PLXNA4: variants seen among roughly 807,000 people sequenced by gnomAD.
PLXNA4 encodes the protein plexin-A4.
Under a neutral mutation model 191.8 loss-of-function variants are expected in PLXNA4, and 44 were observed. The observed-to-expected ratio is 0.23, with a 90% CI of 0.18 to 0.29. The LOEUF (loss-of-function observed/expected upper bound fraction) is 0.29. Ranked by LOEUF, PLXNA4 falls within the 10% of genes least tolerant of loss-of-function variation. The probability of loss-of-function intolerance (pLI) is 1.00; values close to 1 mark genes in which losing one functional copy is unlikely to be tolerated. For synonymous variants in PLXNA4, 1,082 were observed against 1,009.5 expected, an observed-to-expected ratio of 1.07 and a Z score of -1.36; for missense variants, 1,800 against 2,488.8, an observed-to-expected ratio of 0.72 and a Z score of 5.89.
chr7:132,520,678 A>C (rs1198142364), intron 1 of PLXNA4, among the ~76,000 whole-genome samples: 1 of 152,106 alleles, frequency 6.6e-6, no homozygotes, highest in Non-Finnish European at 1.5e-5. Context: ...GTTTTGGAAA[A>C]ACCAAGCCGA....
chr7:132,198,398 G>C, intron 13 of PLXNA4, 87 bp downstream of exon 13: 1 of 1,508,146 alleles, frequency 6.6e-7, no homozygotes, highest in Non-Finnish European at 8.9e-7. Flanking sequence ...CAAGCTCTGA[G>C]AGCACCTAGT....
intron 3 of PLXNA4, among the ~76,000 whole-genome samples, chr7:132,405,512 G>C (rs1794184021): frequency 6.6e-6 from 1 of 152,106 alleles, no homozygotes; most frequent in Non-Finnish European, 1.5e-5. Flanking sequence ...GGAGAGTCCT[G>C]GTTACTGCCA....
chr7:132,608,491 C>G (rs1802985680), intron 2 of PLXNA4, among the ~76,000 whole-genome samples: 1 of 152,148 alleles, frequency 6.6e-6, no homozygotes, highest in Non-Finnish European at 1.5e-5. Context: ...ACACTGCAAG[C>G]ATTACAGTGA....
At position 132,508,893 on chromosome 7, in the gene PLXNA4, T is replaced by TG. The variant is rs957044675; in HGVS notation, c.-86-115dup. On this transcript the variant is annotated intron_variant, in intron 1 of 31. Coordinates refer to ENST00000321063, the MANE Select transcript of PLXNA4 (RefSeq NM_020911.2). The surrounding 1 kb of genome is among the most constrained non-coding windows in gnomAD (Gnocchi z 4.4). Reference sequence around the variant, plus strand: ...CTGCACACACTGAGCAGAACTGCACTGGGGGGTGCTGGAGGCTGACTGAGT... The same window carrying TG: ...CTGCACACACTGAGCAGAACTGCACTGGGGGGGTGCTGGAGGCTGACTGAGT... The TG allele has an allele frequency of 1.3e-5, 14 of 1,075,176 alleles. No homozygotes were observed. The East Asian group carries it at 2.2e-4, about 17-fold the overall frequency. 66.6% of individuals were successfully genotyped at this position (1,075,176 alleles called of 1,614,324 possible). A position where few individuals can be genotyped will look rare whatever the true frequency, so the allele number is the denominator to read the frequency against.
At chr7:132,451,960 G>A (rs994355499) in intron 3 of PLXNA4, among the ~76,000 whole-genome samples, 1 of 152,206 alleles carries the variant, frequency 6.6e-6, no homozygotes. Context: ...CCCAAAAGGA[G>A]GCTCAAAGTA....
chr7:132,516,505 T>G (rs1798947755), intron 1 of PLXNA4, among the ~76,000 whole-genome samples: 2 of 152,108 alleles, frequency 1.3e-5, no homozygotes, highest in African/African-American at 4.8e-5. Flanking sequence ...AATTGCAGCA[T>G]GGAAAACAGA....
At chr7:132,247,524 C>G (rs1034376437) in intron 4 of PLXNA4, among the ~76,000 whole-genome samples, 1 of 152,226 alleles carries the variant, frequency 6.6e-6, no homozygotes, top group Non-Finnish European at 1.5e-5. Flanking sequence ...TTCCTTGTCA[C>G]TGTCCCCGAG....
At chr7:132,146,311 C>T (rs149769782) in intron 28 of PLXNA4, among the ~76,000 whole-genome samples, 199 bp downstream of exon 28, 3 of 152,138 alleles carry the variant, frequency 2.0e-5, no homozygotes, top group Non-Finnish European at 4.4e-5. Context: ...GATGTATTGG[C>T]AGGGTTTGCC....
intron 4 of PLXNA4, among the ~76,000 whole-genome samples, chr7:132,252,575 A>G (rs566089159): frequency 1.3e-5 from 2 of 152,280 alleles, no homozygotes; most frequent in Non-Finnish European, 1.5e-5. Flanking sequence ...TGCTGGGATT[A>G]TAGGCGTGAG....
In PLXNA4 at chr7:132,210,825, G is replaced by A. The variant is rs1352080862; in HGVS notation, c.2298+118C>T. On this transcript the variant is annotated intron_variant, in intron 10 of 31. Coordinates refer to ENST00000321063, the MANE Select transcript of PLXNA4 (RefSeq NM_020911.2). ...CAGGCATGGGGGAAGCAGGTAGGCA[G>A]TTTTGTGCGTGTTGAGGAAACGACT... is the stretch of plus-strand genomic sequence containing the variant. 6.9e-6 allele frequency: 8 copies of A among 1,155,080 alleles called. No individual in the cohort carries two copies. In the South Asian group the frequency reaches 7.3e-5, roughly 10 times the overall value. 71.6% of individuals were successfully genotyped at this position (1,155,080 alleles called of 1,614,324 possible). A position where few individuals can be genotyped will look rare whatever the true frequency, so the allele number is the denominator to read the frequency against.
intron 21 of PLXNA4, among the ~76,000 whole-genome samples, chr7:132,169,822 T>A (rs1584789487): frequency 6.6e-6 from 1 of 151,900 alleles, no homozygotes. Context: ...TGACAATTTG[T>A]GCGTGATTTG....
At chr7:132,411,550 TCTTTTCAACTTATCACAAGG>T (rs2117096053) in intron 3 of PLXNA4, among the ~76,000 whole-genome samples, 1 of 152,296 alleles carries the variant, frequency 6.6e-6, no homozygotes, top group Admixed American at 6.5e-5. Context: ...GAAACCTGGG[TCTTTTCAACTTATCACAAGG>T]CTTCAGCTAG....
At chr7:132,207,923 G>A (rs1797678921) in intron 10 of PLXNA4, among the ~76,000 whole-genome samples, 1 of 152,216 alleles carries the variant, frequency 6.6e-6, no homozygotes, top group Non-Finnish European at 1.5e-5. Flanking sequence ...TTATGAAACT[G>A]GATTCAAGTT....
intron 13 of PLXNA4, among the ~76,000 whole-genome samples, chr7:132,197,405 G>A (rs909000199): frequency 1.3e-5 from 2 of 152,008 alleles, no homozygotes; most frequent in Non-Finnish European, 2.9e-5. Context: ...TGATCTAACT[G>A]GTATCACAAT....
chr7:132,562,856 CCTCCTCCTT>C (rs1451900044), intron 1 of PLXNA4, among the ~76,000 whole-genome samples: 1 of 126,562 alleles, frequency 7.9e-6, no homozygotes, highest in Non-Finnish European at 1.7e-5. Flanking sequence ...CCTTTCTCCT[CCTCCTCCTT>C]CTCCTCCTCC....
chr7:132,246,343 T>C (rs943324417), intron 4 of PLXNA4, among the ~76,000 whole-genome samples: 30 of 152,236 alleles, frequency 2.0e-4, no homozygotes, highest in Non-Finnish European at 4.3e-4. Flanking sequence ...ATGTCTCCTA[T>C]CATGTATCAT....
intron 3 of PLXNA4, among the ~76,000 whole-genome samples, chr7:132,447,108 C>G (rs181693126): frequency 1.3e-3 from 200 of 151,916 alleles, no homozygotes; most frequent in African/African-American, 4.7e-3. Context: ...TTTTCTGGCC[C>G]CGCTCCACTG....
chr7:132,304,065 A>G (rs565508249), intron 3 of PLXNA4, among the ~76,000 whole-genome samples: 1 of 152,358 alleles, frequency 6.6e-6, no homozygotes, highest in African/African-American at 2.4e-5. Context: ...ACCTTAGGGG[A>G]CAAAATCTTT....
chr7:132,365,328 CGT>C (rs3057957), intron 3 of PLXNA4, among the ~76,000 whole-genome samples: 2,469 of 142,810 alleles, frequency 0.017, 32 homozygotes, highest in Non-Finnish European at 0.025. Context: ...CTACGGCCCG[CGT>C]GTGTGTGTGT....
Sources: allele counts gnomAD v4.1 joint callset (sites outside exome capture counted in the v4.1 genomes callset), GRCh38; gene constraint gnomAD v4.1.1; non-coding constraint Gnocchi (gnomAD v3.1); transcripts MANE v1.5; gene names NCBI Gene and HGNC (gene_info 2026-07-23, HGNC 2026-07-21).